Variants in ZDHHC14 observed in about 807,000 individuals in gnomAD.
ZDHHC14 encodes palmitoyltransferase ZDHHC14.
Under a neutral mutation model 47.7 loss-of-function variants are expected in ZDHHC14, and 16 were observed. That is an observed-to-expected ratio of 0.34 (90% confidence interval 0.23 to 0.51). The LOEUF is 0.51. ZDHHC14 is among the 20% of genes least tolerant of loss of function. The pLI is 0.97. For missense variants in ZDHHC14, 515 were observed against 662.5 expected, an observed-to-expected ratio of 0.78 and a Z score of 2.44; for synonymous variants, 293 against 278.9, an observed-to-expected ratio of 1.05 and a Z score of -0.50.
At chr6:157,497,531 C>CAGTG (rs1780096224) in intron 1 of ZDHHC14, among the ~76,000 whole-genome samples, 1 of 152,100 alleles carries the variant, frequency 6.6e-6, no homozygotes. Flanking sequence ...GTGAACCCCA[C>CAGTG]AAGGAAGGAG....
chr6:157,658,526 A>G (rs1221644764), intron 8 of ZDHHC14, among the ~76,000 whole-genome samples: 1 of 152,112 alleles, frequency 6.6e-6, no homozygotes, highest in African/African-American at 2.4e-5. Flanking sequence ...AAACTGACTA[A>G]GCCCGCACTT....
Position 157,673,261 on chromosome 6 carries a change from A to G in ZDHHC14, c.*139A>G. 1 of 1,195,224 alleles carries G rather than the reference A, an allele frequency of 8.4e-7. No individual in the cohort carries two copies. Among genetic ancestry groups the G allele is most frequent in the South Asian group, 1.8e-5 (1 of 56,928 alleles). The allele number at this position is 1,195,224 out of a possible 1,614,324, so 74.0% of individuals were successfully genotyped here. On this transcript the variant is annotated 3_prime_UTR_variant, in exon 9 of 9. Transcript: ENST00000359775. The surrounding 1 kb of genome is among the most constrained non-coding windows in gnomAD (Gnocchi z 5.4). ...GCCCCAGGTCTGGGGTACAGAGACC[A>G]CTTAGGATGGCACAGGGTGGCTGGC...
chr6:157,563,664 C>T lies in ZDHHC14; in HGVS notation c.406+20919C>T, dbSNP rs766469234. ...TGTGTCCCCAGCCAGCAGGGGCATG[C>T]GGTGGGCACTGAACAGGACTAAGTG... On this transcript the variant is annotated intron_variant, in intron 2 of 8. Coordinates refer to ENST00000359775, the MANE Select transcript of ZDHHC14 (RefSeq NM_024630.3). Among the ~76,000 whole-genome samples, 22 of 152,232 alleles carry T rather than the reference C, an allele frequency of 1.4e-4. No homozygotes were observed. In the East Asian group the frequency reaches 2.1e-3, roughly 15 times the overall value.
chr6:157,645,589 A>G, intron 5 of ZDHHC14, 148 bp from the exon 6 acceptor site: 2 of 614,452 alleles, frequency 3.3e-6, no homozygotes, highest in South Asian at 4.1e-5. Context: ...AAATTCCCGG[A>G]AGAGCAGGAA....
At chr6:157,398,594 C>T (rs965556674) in intron 1 of ZDHHC14, among the ~76,000 whole-genome samples, 1 of 152,166 alleles carries the variant, frequency 6.6e-6, no homozygotes, top group African/African-American at 2.4e-5. Context: ...CCCCTGCCCC[C>T]ACCAAGATAG....
At chr6:157,552,287 T>C (rs1337303237) in intron 2 of ZDHHC14, among the ~76,000 whole-genome samples, 1 of 152,054 alleles carries the variant, frequency 6.6e-6, no homozygotes, top group Non-Finnish European at 1.5e-5. Flanking sequence ...AGTCAGTCAG[T>C]TGGGTTTTAG....
At chr6:157,478,467 C>T (rs1450168687) in intron 1 of ZDHHC14, among the ~76,000 whole-genome samples, 1 of 152,180 alleles carries the variant, frequency 6.6e-6, no homozygotes, top group Admixed American at 6.5e-5. Flanking sequence ...ATTCCAGGTT[C>T]AGATTTAAGA....
chr6:157,394,958 G>T (rs1777491612), intron 1 of ZDHHC14, among the ~76,000 whole-genome samples: 1 of 151,328 alleles, frequency 6.6e-6, no homozygotes, highest in African/African-American at 2.4e-5. Flanking sequence ...ATTCCAGAAT[G>T]CTTCTTTGAG....
rs1582992649 is a variant in ZDHHC14 at position 157,594,712 on chromosome 6, GGGTTTCTACAA to G, written c.565+1580_565+1590del. Among the ~76,000 whole-genome samples, 4 of 152,284 alleles carry G rather than the reference GGGTTTCTACAA, an allele frequency of 2.6e-5. No individual in the cohort carries two copies. The South Asian group carries it at 8.3e-4, about 32-fold the overall frequency. ...TAGTTCTCCATGTGGGGGCACACCA[GGGTTTCTACAA>G]GGTTTCTACAAGGGACTCTACAAAT... On this transcript the variant is annotated intron_variant, in intron 3 of 8. Coordinates refer to ENST00000359775, the MANE Select transcript of ZDHHC14 (RefSeq NM_024630.3).
intron 4 of ZDHHC14, 30 bp from the exon 5 acceptor site, chr6:157,632,804 G>C (rs1562519507): frequency 6.2e-7 from 1 of 1,612,456 alleles, no homozygotes; most frequent in Admixed American, 1.7e-5. Context: ...GTTTCTATCT[G>C]AATACTAAAT....
intron 3 of ZDHHC14, among the ~76,000 whole-genome samples, chr6:157,600,758 G>A (rs867428024): frequency 1.3e-5 from 2 of 152,180 alleles, no homozygotes; most frequent in Non-Finnish European, 2.9e-5. Context: ...GGAAGGTGTG[G>A]TAGGCAGAAT....
chr6:157,432,482 G>T (rs970014271), intron 1 of ZDHHC14, among the ~76,000 whole-genome samples: 1 of 152,180 alleles, frequency 6.6e-6, no homozygotes, highest in Non-Finnish European at 1.5e-5. Flanking sequence ...TTGTGCCAAT[G>T]GTGTGAAGCT....
intron 1 of ZDHHC14, among the ~76,000 whole-genome samples, chr6:157,503,219 T>G (rs924117150): frequency 6.6e-6 from 1 of 152,202 alleles, no homozygotes; most frequent in East Asian, 1.9e-4. Context: ...CCTTCCTCTC[T>G]GATTGCTTCT....
At chr6:157,608,910 G>A (rs4709434) in intron 3 of ZDHHC14, among the ~76,000 whole-genome samples, 95,400 of 151,998 alleles carry the variant, frequency 0.63, 30,202 homozygotes, top group East Asian at 0.75. Context: ...ACAGAAAGAT[G>A]TGGATGATTC....
intron 5 of ZDHHC14, among the ~76,000 whole-genome samples, chr6:157,643,016 G>A (rs150963858): frequency 7.2e-5 from 11 of 152,350 alleles, no homozygotes; most frequent in East Asian, 5.8e-4. Flanking sequence ...GCAGACTTCC[G>A]GCATTCAAGT....
At chr6:157,451,653 T>C (rs1562430575) in intron 1 of ZDHHC14, among the ~76,000 whole-genome samples, 2 of 152,282 alleles carry the variant, frequency 1.3e-5, no homozygotes, top group East Asian at 3.9e-4. Flanking sequence ...CTCCGCCTCC[T>C]GGGTTCAAGC....
intron 1 of ZDHHC14, among the ~76,000 whole-genome samples, chr6:157,447,164 G>A (rs1778692617): frequency 6.6e-6 from 1 of 152,182 alleles, no homozygotes; most frequent in Non-Finnish European, 1.5e-5. Context: ...TTTGTAAATA[G>A]ACATTGTCTG....
intron 1 of ZDHHC14, among the ~76,000 whole-genome samples, chr6:157,512,818 A>G (rs1780541969): frequency 6.6e-6 from 1 of 152,236 alleles, no homozygotes; most frequent in Non-Finnish European, 1.5e-5. Flanking sequence ...AGACTACATA[A>G]TATACTCTGA....
chr6:157,642,023 A>AAGAT (rs77223982), intron 5 of ZDHHC14, among the ~76,000 whole-genome samples: 20,008 of 146,630 alleles, frequency 0.14, 1,353 homozygotes, highest in Admixed American at 0.16. Flanking sequence ...GTATATTTTG[A>AAGAT]AGATAGATAG....
Sources: gnomAD v4.1 joint callset for allele counts (sites outside exome capture counted in the v4.1 genomes callset) on GRCh38, gnomAD v4.1.1 for gene constraint, Gnocchi (gnomAD v3.1) non-coding constraint, MANE v1.5 for transcripts, NCBI Gene and HGNC (gene_info 2026-07-23, HGNC 2026-07-21) for gene names.